ST6GALNAC1: variants seen among roughly 807,000 people sequenced by gnomAD.
ST6GALNAC1 encodes the protein alpha-N-acetylgalactosaminide alpha-2,6-sialyltransferase 1.
ST6GALNAC1 carries 45 observed loss-of-function variants against 56.8 expected under a neutral mutation model. The ratio of observed to expected loss-of-function variants is 0.79; its 90% CI spans 0.62 to 1.02. The LOEUF is 1.02. ST6GALNAC1 is among the 50% of genes least tolerant of loss of function. The pLI is 0.00. For missense variants in ST6GALNAC1, 743 were observed against 754.8 expected, an observed-to-expected ratio of 0.98 and a Z score of 0.18; for synonymous variants, 295 against 297.8, an observed-to-expected ratio of 0.99 and a Z score of 0.10.
intron 1 of ST6GALNAC1, among the ~76,000 whole-genome samples, chr17:76,633,290 C>G (rs2075933144): frequency 6.6e-6 from 1 of 152,124 alleles, no homozygotes; most frequent in African/African-American, 2.4e-5. Flanking sequence ...GTGGGTGGAT[C>G]ACCTGAGGTC....
intron 1 of ST6GALNAC1, among the ~76,000 whole-genome samples, chr17:76,638,950 T>C (rs2076011934): frequency 6.6e-6 from 1 of 152,208 alleles, no homozygotes; most frequent in Non-Finnish European, 1.5e-5. Context: ...CCAGCTGATC[T>C]GACTTCTTCT....
chr17:76,639,309 G>C (rs2076015723), intron 1 of ST6GALNAC1, among the ~76,000 whole-genome samples: 1 of 152,136 alleles, frequency 6.6e-6, no homozygotes, highest in Non-Finnish European at 1.5e-5. Context: ...GGGTGCGGTG[G>C]CCCATGCTGT....
intron 1 of ST6GALNAC1, among the ~76,000 whole-genome samples, chr17:76,635,834 G>A (rs766238858): frequency 6.6e-6 from 1 of 152,178 alleles, no homozygotes; most frequent in Non-Finnish European, 1.5e-5. Flanking sequence ...GAGGCTCACA[G>A]TCTATAAGAG....
intron 1 of ST6GALNAC1, 65 bp from the exon 2 acceptor site, chr17:76,629,776 GTTT>G: frequency 1.3e-6 from 1 of 786,554 alleles, no homozygotes; most frequent in Non-Finnish European, 1.9e-6. Context: ...AGCATAAGTA[GTTT>G]TTTGTTTTTT....
Position 76,626,369 on chromosome 17 carries a change from C to T in ST6GALNAC1, c.1335G>A (p.Leu445=), listed in dbSNP as rs1220190877. ...GCCACTCATAGTCCCGGGTGCCTTC[C>T]AGGAAGTGCAAGTAGCGGACGTCCT... ...LGKDVRYLHF[L]EGTRDYEWLE... Residue 445 remains leucine, a synonymous_variant, in exon 6 of 9, where the codon CTG becomes CTA. Coordinates refer to ENST00000156626, the MANE Select transcript of ST6GALNAC1 (RefSeq NM_018414.5). The T allele has an allele frequency of 1.2e-6, 2 of 1,614,160 alleles. No homozygotes were observed. The highest frequency in any genetic ancestry group is 3.3e-5 in the Admixed American group (2 of 60,022).
chr17:76,617,739 C>A, the ST6GALNAC1 span, among the ~76,000 whole-genome samples: 2 of 151,252 alleles, frequency 1.3e-5, no homozygotes, highest in Non-Finnish European at 2.9e-5. Context: ...CCACTGCACT[C>A]CAGCCTGGGC....
Position 76,629,365 on chromosome 17 carries a change from C to G in ST6GALNAC1, c.478G>C (p.Asp160His), listed in dbSNP as rs561480981. 2.0e-5 allele frequency: 33 copies of G among 1,614,162 alleles called. No individual in the cohort carries two copies. The highest frequency in any genetic ancestry group is 3.3e-5 in the South Asian group (3 of 91,086). The change falls in exon 2 of 9, where the codon GAC becomes CAC. Residue 160 changes from aspartate (D) to histidine (H), a missense_variant. By Grantham distance (81) the Asp-to-His change is moderately conservative. Coordinates refer to ENST00000156626, the MANE Select transcript of ST6GALNAC1 (RefSeq NM_018414.5). ...CCATTTCCTTGGGTCGTCTTTGTGT[C>G]CTGGCTCTTCCATGATTGTGCCTCT... ...RTEAQSWKSQ[D>H]TKTTQGNGGQ...
Position 76,629,497 on chromosome 17 carries a change from G to A in ST6GALNAC1, c.346C>T (p.Pro116Ser), listed in dbSNP as rs768227750. The change falls in exon 2 of 9, where the codon CCC becomes TCC. Residue 116 changes from proline to serine, a missense_variant. By Grantham distance (74) the Pro-to-Ser change is moderately conservative. Coordinates refer to ENST00000156626, the MANE Select transcript of ST6GALNAC1 (RefSeq NM_018414.5). ...CATGCTGCCCTCTGTGCTGTGTGGG[G>A]CACCTTGTCCTGCTCCTCCGGCGGT... ...QAPPEEQDKVPHTAQRAAWKS... is the reference protein window; with the variant it reads ...QAPPEEQDKVSHTAQRAAWKS... 2.7e-5 allele frequency: 43 copies of A among 1,613,998 alleles called. No homozygotes were observed. Among genetic ancestry groups the A allele is most frequent in the Non-Finnish European group, 3.6e-5 (43 of 1,180,014 alleles).
the ST6GALNAC1 span, among the ~76,000 whole-genome samples, chr17:76,618,732 G>C: frequency 3.3e-5 from 5 of 150,902 alleles, no homozygotes; most frequent in African/African-American, 1.2e-4. Context: ...AGTGAGCTGA[G>C]ATCGCGCCAC....
chr17:76,636,641 C>A (rs867320995), intron 1 of ST6GALNAC1, among the ~76,000 whole-genome samples: 132 of 151,792 alleles, frequency 8.7e-4, no homozygotes, highest in African/African-American at 2.9e-3. Context: ...CCAGCCTCCC[C>A]GTCCGGGAGG....
In ST6GALNAC1 at chr17:76,626,359, G is replaced by A. The variant is rs1046765287; in HGVS notation, c.1345C>T (p.Arg449Trp). ...VRYLHFLEGTRDYEWLEALLM... is the reference protein window; with the variant it reads ...VRYLHFLEGTWDYEWLEALLM... ...AGTGCTTCCAGCCACTCATAGTCCC[G>A]GGTGCCTTCCAGGAAGTGCAAGTAG... The change falls in exon 6 of 9, where the codon CGG becomes TGG. Residue 449 changes from arginine to tryptophan, a missense_variant. Arg to Trp is a moderately radical substitution (Grantham distance 101). Transcript: ENST00000156626. 1.1e-5 allele frequency: 17 copies of A among 1,614,028 alleles called. No homozygotes were observed. Among genetic ancestry groups the A allele is most frequent in the African/African-American group, 9.3e-5 (7 of 74,910 alleles).
rs375569660 is a variant in ST6GALNAC1 at position 76,643,628 on chromosome 17, C to T, written c.11G>A (p.Cys4Tyr). ...GCTCAGGTGCCTGCATCTCCACAGG[C>T]AGGACCTCATGGTGGTGGGTCGGGT... MRS[C>Y]LWRCRHLSQG... is the part of the protein sequence containing the mutation. Residue 4 changes from cysteine to tyrosine, a missense_variant, in exon 1 of 9, where the codon TGC becomes TAC. Transcript: ENST00000156626. The T allele has an allele frequency of 1.2e-6, 2 of 1,614,056 alleles. No homozygotes were observed. The highest frequency in any genetic ancestry group is 2.2e-5 in the East Asian group (1 of 44,870).
chr17:76,620,525 T>G (rs2143394063), downstream of ST6GALNAC1, among the ~76,000 whole-genome samples: 1 of 152,024 alleles, frequency 6.6e-6, no homozygotes, highest in East Asian at 1.9e-4. Flanking sequence ...TATTCCTATT[T>G]AGCCCCCTTA....
At chr17:76,636,625 G>A (rs1350982412) in intron 1 of ST6GALNAC1, among the ~76,000 whole-genome samples, 2 of 152,020 alleles carry the variant, frequency 1.3e-5, no homozygotes, top group South Asian at 4.2e-4. Flanking sequence ...AAGTCCTCCC[G>A]CCCGGCCAGC....
At chr17:76,618,018 T>C in the ST6GALNAC1 span, among the ~76,000 whole-genome samples, 1 of 152,072 alleles carries the variant, frequency 6.6e-6, no homozygotes, top group East Asian at 1.9e-4. Flanking sequence ...CAGGCAAGAG[T>C]GGCTTGTTCC....
At chr17:76,617,496 A>G in the ST6GALNAC1 span, among the ~76,000 whole-genome samples, 4 of 152,200 alleles carry the variant, frequency 2.6e-5, no homozygotes, top group Non-Finnish European at 5.9e-5. Flanking sequence ...CCCCATGCAA[A>G]AGAAGGGACA....
chr17:76,643,551 C>T lies in ST6GALNAC1; in HGVS notation c.88G>A (p.Ala30Thr), dbSNP rs201643178. ...GGCTCCTTAATAAAAGAGGGCAAGGCGAAGAGAAAGAAGACCAGGACAGCC... is the reference window on the plus strand; with the variant it reads ...GGCTCCTTAATAAAAGAGGGCAAGGTGAAGAGAAAGAAGACCAGGACAGCC... ...LLAVLVFFLFALPSFIKEPQT... is the reference protein window; with the variant it reads ...LLAVLVFFLFTLPSFIKEPQT... Residue 30 changes from alanine to threonine, a missense_variant, in exon 1 of 9, where the codon GCC becomes ACC. Physicochemically the swap from Ala to Thr is moderately conservative, Grantham distance 58. Transcript: ENST00000156626. 37 of 1,614,022 alleles carry T rather than the reference C, an allele frequency of 2.3e-5. No homozygotes were observed. The highest frequency in any genetic ancestry group is 5.5e-5 in the South Asian group (5 of 91,076).
At chr17:76,626,565 G>A in intron 5 of ST6GALNAC1, 86 bp downstream of exon 5, 1 of 1,585,716 alleles carries the variant, frequency 6.3e-7, no homozygotes, top group Non-Finnish European at 8.6e-7. Context: ...ACTCCATCCG[G>A]ATGAAAGCCT....
intron 8 of ST6GALNAC1, 53 bp from the exon 9 acceptor site, chr17:76,625,580 T>G: frequency 6.3e-7 from 1 of 1,591,154 alleles, no homozygotes; most frequent in Non-Finnish European, 8.6e-7. Flanking sequence ...TGCCCAGGCT[T>G]CTTCTCATGG....
Sources: gnomAD v4.1 joint callset for allele counts (sites outside exome capture counted in the v4.1 genomes callset) on GRCh38, gnomAD v4.1.1 for gene constraint, MANE v1.5 for transcripts, NCBI Gene and HGNC (gene_info 2026-07-23, HGNC 2026-07-21) for gene names.